Variants in NUGGC observed in about 807,000 individuals in gnomAD.
The protein encoded by NUGGC is nuclear GTPase SLIP-GC.
NUGGC carries 58 observed loss-of-function variants against 92.6 expected under a neutral mutation model. The ratio of observed to expected loss-of-function variants is 0.63; its 90% CI spans 0.51 to 0.78. The LOEUF is 0.78. Ranked by LOEUF, NUGGC falls within the 30% of genes least tolerant of loss-of-function variation. The probability of loss-of-function intolerance (pLI) is 0.00; values close to 1 mark genes in which losing one functional copy is unlikely to be tolerated. For missense variants in NUGGC, 925 were observed against 964.6 expected, an observed-to-expected ratio of 0.96 and a Z score of 0.54; for synonymous variants, 376 against 366.4, an observed-to-expected ratio of 1.03 and a Z score of -0.30.
intron 11 of NUGGC, 107 bp downstream of exon 11, chr8:28,047,400 G>A: frequency 1.5e-6 from 1 of 667,666 alleles, no homozygotes; most frequent in Non-Finnish European, 2.6e-6. Flanking sequence ...ATGGCAAGCT[G>A]GAAAAAAATT....
chr8:28,038,109 C>T (rs748250978), intron 13 of NUGGC, among the ~76,000 whole-genome samples: 11 of 152,310 alleles, frequency 7.2e-5, no homozygotes, highest in East Asian at 3.9e-4. Context: ...CCTTGGCTCT[C>T]GGGCACGTGG....
At chr8:28,030,707 G>C (rs928900824) in intron 15 of NUGGC, among the ~76,000 whole-genome samples, 2 of 152,006 alleles carry the variant, frequency 1.3e-5, no homozygotes, top group Non-Finnish European at 2.9e-5. Context: ...GGCCCTCTCT[G>C]GGGGGCAGAG....
chr8:28,073,178 CTTTTTT>C (rs34656742), intron 2 of NUGGC, among the ~76,000 whole-genome samples: 1 of 132,832 alleles, frequency 7.5e-6, no homozygotes, highest in Admixed American at 7.8e-5. Context: ...ATTTTTTTTT[CTTTTTT>C]TTTTTTTTTC....
chr8:28,052,497 T>G (rs1810032209), intron 10 of NUGGC, among the ~76,000 whole-genome samples: 1 of 152,186 alleles, frequency 6.6e-6, no homozygotes, highest in South Asian at 2.1e-4. Flanking sequence ...AGGGGAAATT[T>G]GGATACAGAG....
chr8:28,058,544 T>C (rs550818625), intron 8 of NUGGC, among the ~76,000 whole-genome samples: 12 of 152,316 alleles, frequency 7.9e-5, no homozygotes, highest in African/African-American at 2.4e-4. Flanking sequence ...TGCAGCCCTC[T>C]CACCCTGGGT....
chr8:28,035,911 C>T (rs962849923), intron 13 of NUGGC, among the ~76,000 whole-genome samples: 3 of 152,218 alleles, frequency 2.0e-5, no homozygotes, highest in African/African-American at 7.2e-5. Flanking sequence ...GAGACAGGGT[C>T]TCTCTCTGTC....
Position 28,033,647 on chromosome 8 carries a change from C to T in NUGGC, c.1662G>A (p.Leu554=). The T allele has an allele frequency of 1.9e-6, 3 of 1,613,972 alleles. No homozygotes were observed. The highest frequency in any genetic ancestry group is 2.5e-6 in the Non-Finnish European group (3 of 1,179,856). Residue 554 remains leucine (L), a synonymous_variant, in exon 14 of 19, where the codon CTG becomes CTA. Coordinates refer to ENST00000413272, the MANE Select transcript of NUGGC (RefSeq NM_001010906.2). ...GFHQTLKAVC[L]KNGIYASRTL... The stretch of plus-strand genomic sequence containing the variant: ...TCCTGGAGGCATAGATGCCATTTTT[C>T]AGGCAAACAGCTTTCAGGGTCTGAT...
intron 18 of NUGGC, among the ~76,000 whole-genome samples, chr8:28,026,643 T>C (rs543084139): frequency 5.5e-4 from 83 of 152,286 alleles, no homozygotes; most frequent in African/African-American, 1.9e-3. Context: ...ATCTGCAAAA[T>C]GGAGCAACAA....
chr8:28,052,486 A>G (rs143698544), intron 10 of NUGGC, among the ~76,000 whole-genome samples: 1 of 152,186 alleles, frequency 6.6e-6, no homozygotes, highest in Non-Finnish European at 1.5e-5. Flanking sequence ...TCTTTAAAAA[A>G]AGGGGAAATT....
At chr8:28,036,171 G>T (rs1809549384) in intron 13 of NUGGC, among the ~76,000 whole-genome samples, 1 of 152,186 alleles carries the variant, frequency 6.6e-6, no homozygotes, top group African/African-American at 2.4e-5. Flanking sequence ...ACTGCACTCA[G>T]CCTTAACAAA....
chr8:28,070,281 G>T lies in NUGGC; in HGVS notation c.119C>A (p.Pro40His). The T allele has an allele frequency of 6.4e-7, 1 of 1,554,004 alleles. No homozygotes were observed. The highest frequency in any genetic ancestry group is 8.7e-7 in the Non-Finnish European group (1 of 1,147,160). Residue 40 changes from proline to histidine, a missense_variant, in exon 3 of 19, where the codon CCC becomes CAC. Pro to His is a moderately conservative substitution (Grantham distance 77). Transcript: ENST00000413272. ...SDRDQRFRAFPSMEQSALKEY... is the reference protein window; with the variant it reads ...SDRDQRFRAFHSMEQSALKEY... ...CTTAAGAGCACTCTGCTCCATGGAGGGAAATGCTCGGAACCGCTGGTCTCG... is the reference window on the plus strand; with the variant it reads ...CTTAAGAGCACTCTGCTCCATGGAGTGAAATGCTCGGAACCGCTGGTCTCG...
chr8:28,052,290 C>A (rs2130172059), intron 10 of NUGGC, among the ~76,000 whole-genome samples: 1 of 152,300 alleles, frequency 6.6e-6, no homozygotes, highest in East Asian at 1.9e-4. Context: ...GTGGCAGTCA[C>A]AAGGTGGTTG....
intron 10 of NUGGC, among the ~76,000 whole-genome samples, chr8:28,052,135 A>T (rs1454179580): frequency 2.6e-5 from 4 of 152,140 alleles, no homozygotes; most frequent in Admixed American, 6.5e-5. Flanking sequence ...AGTAACTCAA[A>T]TCCATAACTA....
intron 13 of NUGGC, among the ~76,000 whole-genome samples, chr8:28,039,236 T>G (rs1310237359): frequency 1.8e-5 from 1 of 56,138 alleles, no homozygotes; most frequent in African/African-American, 1.7e-4. Context: ...TTATCTAGAT[T>G]TTTTTTTTTT....
chr8:28,024,985 G>A (rs769843829), intron 18 of NUGGC, among the ~76,000 whole-genome samples: 12 of 152,170 alleles, frequency 7.9e-5, no homozygotes, highest in East Asian at 1.9e-4. Flanking sequence ...ACCCTGTCCC[G>A]TACCTCAGCA....
At chr8:28,069,428 C>A in intron 4 of NUGGC, 116 bp downstream of exon 4, 1 of 613,496 alleles carries the variant, frequency 1.6e-6, no homozygotes, top group South Asian at 2.2e-5. Context: ...AAATTTGTGT[C>A]CCTCTTTTCT....
At chr8:28,066,945 C>A (rs1810453276) in intron 6 of NUGGC, among the ~76,000 whole-genome samples, 1 of 152,212 alleles carries the variant, frequency 6.6e-6, no homozygotes, top group Non-Finnish European at 1.5e-5. Context: ...CTGAAATCTA[C>A]ACAGAAATTT....
intron 16 of NUGGC, 53 bp from the exon 17 acceptor site, chr8:28,029,455 C>CT (rs1030320036): frequency 2.6e-5 from 41 of 1,597,578 alleles, no homozygotes; most frequent in Non-Finnish European, 3.4e-5. Context: ...GCTTAGAAAT[C>CT]TTTGGCACCA....
At chr8:28,079,357 T>C (rs1323260122) in intron 1 of NUGGC, among the ~76,000 whole-genome samples, 1 of 152,096 alleles carries the variant, frequency 6.6e-6, no homozygotes, top group Non-Finnish European at 1.5e-5. Context: ...CTGACCAGCA[T>C]GGTGAAACCC....
Sources: allele counts gnomAD v4.1 joint callset (sites outside exome capture counted in the v4.1 genomes callset), GRCh38; gene constraint gnomAD v4.1.1; transcripts MANE v1.5; gene names NCBI Gene and HGNC (gene_info 2026-07-23, HGNC 2026-07-21).